SLC35B4: variants seen among roughly 807,000 people sequenced by gnomAD.
SLC35B4 encodes the protein solute carrier family 35 member B4, also known as nucleotide sugar transporter SLC35B4.
In SLC35B4, 28 loss-of-function variants were observed where a neutral mutation model predicts 39.5. The ratio of observed to expected loss-of-function variants is 0.71; its 90% CI spans 0.53 to 0.97. SLC35B4 has a LOEUF of 0.97. Among genes scored for constraint, SLC35B4 ranks in the 50% least tolerant of loss-of-function variants. The pLI is 0.00. For missense variants in SLC35B4, 334 were observed against 414.3 expected (o/e 0.81, Z 1.68); for synonymous variants, 145 against 150.4 (o/e 0.96, Z 0.26).
chr7:134,295,227 G>A, intron 9 of SLC35B4, 148 bp from the exon 10 acceptor site: 4 of 938,102 alleles, frequency 4.3e-6, no homozygotes, highest in Non-Finnish European at 3.1e-6. Context: ...CTCCTGGGGA[G>A]AACCTGCAGA....
rs537338343 is a variant in SLC35B4 at position 134,303,662 on chromosome 7, C to T, written c.344+1143G>A. 7.9e-5 allele frequency among the ~76,000 whole-genome samples: 12 copies of T among 152,270 alleles called. No homozygotes were observed. In the South Asian group the frequency reaches 2.5e-3, roughly 32 times the overall value. On this transcript the variant is annotated intron_variant, in intron 4 of 9. Coordinates refer to ENST00000378509, the MANE Select transcript of SLC35B4 (RefSeq NM_032826.5). Reference sequence around the variant, plus strand: ...AGGTTCTCACATTCTGAATTTACAGCTACTTTCCAAGCATGTATAGAGAGC... The same window carrying T: ...AGGTTCTCACATTCTGAATTTACAGTTACTTTCCAAGCATGTATAGAGAGC...
rs138588240 is a variant in SLC35B4 at position 134,307,664 on chromosome 7, C to G, written c.192-890G>C. On this transcript the variant is annotated intron_variant, in intron 2 of 9. Transcript: ENST00000378509. ...TCCATATTCTTCAGGAAATGTTGAT[C>G]TTGGAGATTCCCAACCATTTTCCAC... Among the ~76,000 whole-genome samples, 185 of 152,278 alleles carry G rather than the reference C, an allele frequency of 1.2e-3. 2 individuals carry two copies. Among genetic ancestry groups the G allele is most frequent in the African/African-American group, 4.2e-3 (173 of 41,562 alleles).
chr7:134,301,117 C>A (rs999605384), intron 6 of SLC35B4, among the ~76,000 whole-genome samples: 2 of 152,148 alleles, frequency 1.3e-5, no homozygotes, highest in Admixed American at 6.5e-5. Context: ...AGCCAAGAAG[C>A]AAGGAGAACA....
chr7:134,310,940 A>G (rs1391911386), intron 1 of SLC35B4, among the ~76,000 whole-genome samples: 1 of 152,216 alleles, frequency 6.6e-6, no homozygotes, highest in Non-Finnish European at 1.5e-5. Context: ...TACTTACCAG[A>G]AATGACTCCA....
At position 134,293,810 on chromosome 7, in the gene SLC35B4, T is replaced by TG. The variant is rs1469363289; in HGVS notation, c.*1022dup. On this transcript the variant is annotated 3_prime_UTR_variant, in exon 10 of 10. Transcript: ENST00000378509. ...AACCTTTCTTTTTTTTTTTTTTTTT[T>TG]GAGATAGAGTCTCACTCTGTCACCC... The TG allele has an allele frequency of 1.3e-5, 2 of 150,984 alleles. No individual in the cohort carries two copies. Among genetic ancestry groups the TG allele is most frequent in the African/African-American group, 4.9e-5 (2 of 40,490 alleles). The allele number at this position is 150,984 out of a possible 1,614,324, so 9.4% of individuals were successfully genotyped here. A position where few individuals can be genotyped will look rare whatever the true frequency, so the allele number is the denominator to read the frequency against.
chr7:134,310,794 GC>G (rs1273115193), intron 1 of SLC35B4, among the ~76,000 whole-genome samples: 1 of 152,034 alleles, frequency 6.6e-6, no homozygotes, highest in Non-Finnish European at 1.5e-5. Flanking sequence ...CGATCCACCT[GC>G]CTCGGCCTCC....
chr7:134,317,728 G>A (rs931268720), upstream of SLC35B4, among the ~76,000 whole-genome samples: 2 of 149,406 alleles, frequency 1.3e-5, no homozygotes, highest in Non-Finnish European at 2.9e-5. Context: ...TACAATCTGA[G>A]CCATTCGACT....
In SLC35B4 at chr7:134,301,911, C is replaced by T; in HGVS notation, c.427-90G>A. ...GGGAAACATTTATGTTACCCATTTC[C>T]CTCCCCTCTTCTCTTTCAAAATCTT... On this transcript the variant is annotated intron_variant, in intron 5 of 9. Coordinates refer to ENST00000378509, the MANE Select transcript of SLC35B4 (RefSeq NM_032826.5). 6 of 1,498,588 alleles carry T rather than the reference C, an allele frequency of 4.0e-6. No individual in the cohort carries two copies. The South Asian group carries it at 6.9e-5, about 17-fold the overall frequency. The allele number at this position is 1,498,588 out of a possible 1,614,324, so 92.8% of individuals were successfully genotyped here.
upstream of SLC35B4, among the ~76,000 whole-genome samples, chr7:134,318,870 G>A (rs563717558): frequency 1.3e-5 from 2 of 152,282 alleles, no homozygotes; most frequent in Admixed American, 1.3e-4. Flanking sequence ...ACCTACTGCA[G>A]TGAGTATTAA....
rs1803992754 is a variant in SLC35B4 at position 134,316,734 on chromosome 7, C to T, written c.18G>A (p.Ala6=). The part of the protein sequence containing the change: MRPAL[A]VGLVFAGCCS... Reference sequence around the variant, plus strand: ...AGCAGCCTGCGAACACCAGGCCCACCGCCAAGGCCGGGCGCATGGCCGGTG... The same window carrying T: ...AGCAGCCTGCGAACACCAGGCCCACTGCCAAGGCCGGGCGCATGGCCGGTG... Residue 6 remains alanine, a synonymous_variant, in exon 1 of 10, where the codon GCG becomes GCA. Coordinates refer to ENST00000378509, the MANE Select transcript of SLC35B4 (RefSeq NM_032826.5). 6.5e-7 allele frequency: 1 copy of T among 1,549,832 alleles called. No individual in the cohort carries two copies. Among genetic ancestry groups the T allele is most frequent in the Non-Finnish European group, 8.7e-7 (1 of 1,146,774 alleles).
intron 4 of SLC35B4, among the ~76,000 whole-genome samples, chr7:134,302,656 G>T (rs1342453079): frequency 6.6e-6 from 1 of 152,120 alleles, no homozygotes; most frequent in African/African-American, 2.4e-5. Flanking sequence ...TGGATAAGGG[G>T]GAGGATATTC....
chr7:134,292,606 G>A lies in SLC35B4; in HGVS notation c.*2227C>T, dbSNP rs1248609438. On this transcript the variant is annotated 3_prime_UTR_variant, in exon 10 of 10. Transcript: ENST00000378509. ...AAATGGGTGACATTATGTATGTGAGGCTGCATCCTATTAAGAGTTCAGAGA... is the reference window on the plus strand; with the variant it reads ...AAATGGGTGACATTATGTATGTGAGACTGCATCCTATTAAGAGTTCAGAGA... The A allele has an allele frequency of 2.0e-5, 3 of 152,186 alleles. No homozygotes were observed. Among genetic ancestry groups the A allele is most frequent in the Non-Finnish European group, 2.9e-5 (2 of 68,042 alleles). The allele number at this position is 152,186 out of a possible 1,614,324, so 9.4% of individuals were successfully genotyped here.
chr7:134,318,867 G>A (rs1735532961), upstream of SLC35B4, among the ~76,000 whole-genome samples: 2 of 152,126 alleles, frequency 1.3e-5, no homozygotes, highest in Non-Finnish European at 2.9e-5. Context: ...TTCACCTACT[G>A]CAGTGAGTAT....
rs554484190 is a variant in SLC35B4 at position 134,295,236 on chromosome 7, G to C, written c.750-157C>G. ...AGGCTCCTCCTGGGGAGAACCTGCA[G>C]AACAACTCCTGTCCTGCCATTCCAT... is the stretch of plus-strand genomic sequence containing the variant. On this transcript the variant is annotated intron_variant, in intron 9 of 9. Transcript: ENST00000378509. 5.9e-6 allele frequency: 5 copies of C among 854,116 alleles called. No homozygotes were observed. In the Admixed American group the frequency reaches 1.4e-4, roughly 24 times the overall value. 52.9% of individuals were successfully genotyped at this position (854,116 alleles called of 1,614,324 possible).
chr7:134,314,444 G>T (rs572623474), intron 1 of SLC35B4, among the ~76,000 whole-genome samples: 73 of 152,320 alleles, frequency 4.8e-4, no homozygotes, highest in African/African-American at 1.7e-3. Context: ...CCTTTGGCAA[G>T]ATTTAATTTA....
rs941553542 is a variant in SLC35B4 at position 134,292,964 on chromosome 7, T to C, written c.*1869A>G. 2.7e-4 allele frequency: 41 copies of C among 152,316 alleles called. No individual in the cohort carries two copies. The highest frequency in any genetic ancestry group is 9.1e-4 in the African/African-American group (38 of 41,552). 9.4% of individuals were successfully genotyped at this position (152,316 alleles called of 1,614,324 possible). ...TAACAAAAACCCGAGGCAGCTTAAATGACTTCTCCAAGCGACCTGGTGACT... is the reference window on the plus strand; with the variant it reads ...TAACAAAAACCCGAGGCAGCTTAAACGACTTCTCCAAGCGACCTGGTGACT... On this transcript the variant is annotated 3_prime_UTR_variant, in exon 10 of 10. Coordinates refer to ENST00000378509, the MANE Select transcript of SLC35B4 (RefSeq NM_032826.5).
At chr7:134,296,546 C>A in intron 8 of SLC35B4, 80 bp from the exon 9 acceptor site, 3 of 978,308 alleles carry the variant, frequency 3.1e-6, no homozygotes, top group Non-Finnish European at 1.6e-6. Context: ...GTAATACAGA[C>A]TGAACATAAT....
intron 6 of SLC35B4, among the ~76,000 whole-genome samples, chr7:134,301,423 C>T (rs371294199): frequency 6.6e-6 from 1 of 152,182 alleles, no homozygotes; most frequent in African/African-American, 2.4e-5. Context: ...CTAACGTGCC[C>T]TCTTGCAGAA....
At chr7:134,314,549 T>G (rs569316667) in intron 1 of SLC35B4, among the ~76,000 whole-genome samples, 14 of 152,336 alleles carry the variant, frequency 9.2e-5, no homozygotes, top group Middle Eastern at 3.4e-3. Flanking sequence ...CTTTTTTTAT[T>G]TTTTGAGACG....
Sources: gnomAD v4.1 joint callset for allele counts (sites outside exome capture counted in the v4.1 genomes callset) on GRCh38, gnomAD v4.1.1 for gene constraint, MANE v1.5 for transcripts, NCBI Gene and HGNC (gene_info 2026-07-23, HGNC 2026-07-21) for gene names.